IFT140: variants seen among roughly 807,000 people sequenced by gnomAD.
IFT140 encodes the protein intraflagellar transport protein 140 homolog.
IFT140 carries 133 observed loss-of-function variants against 164.6 expected under a neutral mutation model. The ratio of observed to expected loss-of-function variants is 0.81; its 90% confidence interval spans 0.70 to 0.93. The LOEUF (loss-of-function observed/expected upper bound fraction) is 0.93. Among genes scored for constraint, IFT140 ranks in the 40% least tolerant of loss-of-function variants. The probability of loss-of-function intolerance (pLI) is 0.00; values close to 1 mark genes in which losing one functional copy is unlikely to be tolerated. For synonymous variants in IFT140, 860 were observed against 817.3 expected (o/e 1.05, Z -0.89); for missense variants, 2,045 against 1,972.3 (o/e 1.04, Z -0.70).
intron 26 of IFT140, among the ~76,000 whole-genome samples, chr16:1,522,709 G>T (rs994395711): frequency 6.6e-6 from 1 of 152,008 alleles, no homozygotes; most frequent in African/African-American, 2.4e-5. Context: ...GTGGTGGCAG[G>T]CACCTGTAGT....
At position 1,520,509 on chromosome 16, in the gene IFT140, G is replaced by A. The variant is rs186412342; in HGVS notation, c.3660+93C>T. 48 of 1,399,206 alleles carry A rather than the reference G, an allele frequency of 3.4e-5. No individual in the cohort carries two copies. The African/African-American group carries it at 6.7e-4, about 19-fold the overall frequency. The allele number at this position is 1,399,206 out of a possible 1,614,324, so 86.7% of individuals were successfully genotyped here. A position where few individuals can be genotyped will look rare whatever the true frequency, so the allele number is the denominator to read the frequency against. On this transcript the variant is annotated intron_variant, in intron 27 of 30. Transcript: ENST00000426508. ...GCCAGAAAGGCTCAGCCCTAGCTTG[G>A]GGTCATCACGAAGGCAAATGGAGAT...
At chr16:1,585,610 A>G (rs2034826771) in intron 10 of IFT140, among the ~76,000 whole-genome samples, 1 of 152,206 alleles carries the variant, frequency 6.6e-6, no homozygotes, top group African/African-American at 2.4e-5. Context: ...GTTCGTGGGT[A>G]GATACATATT....
chr16:1,567,118 C>T (rs1327391472), intron 15 of IFT140, among the ~76,000 whole-genome samples: 1 of 152,134 alleles, frequency 6.6e-6, no homozygotes, highest in Non-Finnish European at 1.5e-5. Context: ...TTAGAAACAC[C>T]TTCTGCAGCC....
intron 19 of IFT140, among the ~76,000 whole-genome samples, chr16:1,528,485 A>T (rs2030048803): frequency 6.7e-6 from 1 of 150,130 alleles, no homozygotes; most frequent in Admixed American, 6.6e-5. Flanking sequence ...ACACAAGCAC[A>T]TGCACTCACA....
intron 29 of IFT140, among the ~76,000 whole-genome samples, chr16:1,519,656 GT>G (rs1422927153): frequency 2.0e-5 from 3 of 152,148 alleles, no homozygotes; most frequent in Non-Finnish European, 4.4e-5. Flanking sequence ...CCCCCACCAG[GT>G]TTCTCTCTCA....
At chr16:1,597,302 T>C (rs1328139314) in intron 4 of IFT140, among the ~76,000 whole-genome samples, 2 of 152,212 alleles carry the variant, frequency 1.3e-5, no homozygotes, top group Non-Finnish European at 2.9e-5. Context: ...TTTCTAGGGA[T>C]TGCCCGCCTC....
At chr16:1,562,709 T>A (rs2033484639) in intron 17 of IFT140, among the ~76,000 whole-genome samples, 2 of 151,258 alleles carry the variant, frequency 1.3e-5, no homozygotes, top group Admixed American at 1.3e-4. Context: ...GAGGCAGAGG[T>A]TGCAGTGAGC....
In IFT140 at chr16:1,511,119, C is replaced by A; in HGVS notation, c.4214G>T (p.Arg1405Leu). Reference sequence around the variant, plus strand: ...GTAGGACATGTTGGCCAAGGGAAGCCGCCGCCGCATCTCCTCCAGGAATCT... The same window carrying A: ...GTAGGACATGTTGGCCAAGGGAAGCAGCCGCCGCATCTCCTCCAGGAATCT... The part of the protein sequence containing the change: ...AYRFLEEMRR[R>L]LPLANMSYYV... The change falls in exon 31 of 31, where the codon CGG (arginine) becomes CTG (leucine). Residue 1405 changes from arginine to leucine, a missense_variant. By Grantham distance (102) the Arg-to-Leu change is moderately radical (BLOSUM62 -2). Coordinates refer to ENST00000426508, the MANE Select transcript of IFT140 (RefSeq NM_014714.4). 6.2e-7 allele frequency: 1 copy of A among 1,608,952 alleles called. No individual in the cohort carries two copies. The highest frequency in any genetic ancestry group is 8.5e-7 in the Non-Finnish European group (1 of 1,178,596).
At position 1,557,695 on chromosome 16, in the gene IFT140, T is replaced by C. The variant is rs1205409095; in HGVS notation, c.2399+240A>G. Reference sequence around the variant, plus strand: ...TAGATGTTTAGGAACGGCAGAACTTTCCACTAGGAAGCAGCTAAACAGCCC... The same window carrying C: ...TAGATGTTTAGGAACGGCAGAACTTCCCACTAGGAAGCAGCTAAACAGCCC... On this transcript the variant is annotated intron_variant, in intron 19 of 30. Coordinates refer to ENST00000426508, the MANE Select transcript of IFT140 (RefSeq NM_014714.4). The C allele has an allele frequency of 5.6e-6, 3 of 537,824 alleles. No individual in the cohort carries two copies. The African/African-American group carries it at 5.7e-5, about 10-fold the overall frequency. 33.3% of individuals were successfully genotyped at this position (537,824 alleles called of 1,614,324 possible). A position where few individuals can be genotyped will look rare whatever the true frequency, so the allele number is the denominator to read the frequency against.
At chr16:1,528,386 T>C (rs547836253) in intron 19 of IFT140, among the ~76,000 whole-genome samples, 41 of 129,194 alleles carry the variant, frequency 3.2e-4, no homozygotes, top group Admixed American at 7.2e-4. Flanking sequence ...CACGCACGTG[T>C]GCACACACAC....
At chr16:1,511,719 C>A (rs1232917022) in intron 30 of IFT140, among the ~76,000 whole-genome samples, 1 of 150,580 alleles carries the variant, frequency 6.6e-6, no homozygotes, top group Non-Finnish European at 1.5e-5. Context: ...TGCAAGCCTT[C>A]CACACAGTCT....
In IFT140 at chr16:1,608,783, A is replaced by G. The variant is rs530012171; in HGVS notation, c.-31-1486T>C. Among the ~76,000 whole-genome samples the G allele has an allele frequency of 4.6e-5, 7 of 152,272 alleles. 1 individual carries two copies. In the South Asian group the frequency reaches 1.5e-3, roughly 32 times the overall value. On this transcript the variant is annotated intron_variant, in intron 2 of 30. Transcript: ENST00000426508. ...CAGGCTGGAGAGCAGTGGTGTGATC[A>G]TGGCTCACTGTAGCCTTGAACTCCT...
intron 19 of IFT140, among the ~76,000 whole-genome samples, chr16:1,544,789 C>A (rs1464907625): frequency 6.6e-6 from 1 of 151,512 alleles, no homozygotes; most frequent in Non-Finnish European, 1.5e-5. Context: ...GCTGGGACTA[C>A]AGGCACCCGC....
chr16:1,541,599 G>T, intron 19 of IFT140: 1 of 662,222 alleles, frequency 1.5e-6, no homozygotes, highest in Non-Finnish European at 1.9e-6. Context: ...GCGCCTTCAA[G>T]GGTCAAGTCA....
intron 19 of IFT140, chr16:1,527,063 G>T: frequency 2.2e-6 from 1 of 464,570 alleles, no homozygotes; most frequent in South Asian, 4.9e-5. Context: ...AGATCACCAG[G>T]CTCCTCCTCC....
intron 19 of IFT140, 109 bp from the exon 20 acceptor site, chr16:1,526,905 G>C: frequency 8.1e-7 from 1 of 1,232,078 alleles, no homozygotes; most frequent in South Asian, 1.5e-5. Flanking sequence ...CTGCCAAACG[G>C]GCATGAGGAG....
chr16:1,550,179 A>G (rs1305211629), intron 19 of IFT140, among the ~76,000 whole-genome samples: 3 of 151,998 alleles, frequency 2.0e-5, no homozygotes, highest in Admixed American at 1.3e-4. Flanking sequence ...GGCTCAAGCA[A>G]TCTGTCCACC....
intron 19 of IFT140, chr16:1,554,996 G>C (rs2032974653): frequency 6.2e-7 from 1 of 1,613,146 alleles, no homozygotes; most frequent in East Asian, 2.2e-5. Context: ...GCCGTGGGCT[G>C]GACAATGACT....
rs1025330819 is a variant in IFT140 at position 1,553,113 on chromosome 16, A to G, written c.2399+4822T>C. ...TTAATTCATACTTTCTGGAGGGTAC[A>G]GTGATGATGAAAAGATAATGCTTGG... On this transcript the variant is annotated intron_variant, in intron 19 of 30. Transcript: ENST00000426508. This position sits in a 1 kb window ranked among gnomAD's most constrained non-coding sequence, Gnocchi z 4.4. The G allele has an allele frequency of 1.1e-5, 11 of 985,340 alleles. No homozygotes were observed. The highest frequency in any genetic ancestry group is 1.7e-5 in the African/African-American group (1 of 57,248). The allele number at this position is 985,340 out of a possible 1,614,324, so 61.0% of individuals were successfully genotyped here. A position where few individuals can be genotyped will look rare whatever the true frequency, so the allele number is the denominator to read the frequency against.
Sources: gnomAD v4.1 joint callset for allele counts (sites outside exome capture counted in the v4.1 genomes callset) on GRCh38, gnomAD v4.1.1 for gene constraint, Gnocchi (gnomAD v3.1) non-coding constraint, MANE v1.5 for transcripts, NCBI Gene and HGNC (gene_info 2026-07-23, HGNC 2026-07-21) for gene names.